The following RPAP3 variants were observed in gnomAD, a reference collection of about 807,000 sequenced individuals.
The protein encoded by RPAP3 is RNA polymerase II associated protein 3.
RPAP3 carries 58 observed loss-of-function variants against 88.8 expected under a neutral mutation model. That is an observed-to-expected ratio of 0.65 (90% CI 0.53 to 0.81). The LOEUF (loss-of-function observed/expected upper bound fraction) is 0.81. RPAP3 is among the 40% of genes least tolerant of loss of function. RPAP3 has a pLI of 0.00. For missense variants in RPAP3, 751 were observed against 764.3 expected (o/e 0.98, Z 0.20); for synonymous variants, 255 against 259.9 (o/e 0.98, Z 0.18).
chr12:47,701,723 G>T, intron 2 of RPAP3, 119 bp from the exon 3 acceptor site: 1 of 772,170 alleles, frequency 1.3e-6, no homozygotes, highest in Non-Finnish European at 1.8e-6. Context: ...ATTTTAAAGT[G>T]TTTAAAAAGA....
At position 47,679,542 on chromosome 12, in the gene RPAP3, C is replaced by G; in HGVS notation, c.1238G>C (p.Arg413Thr). The G allele has an allele frequency of 6.2e-7, 1 of 1,606,812 alleles. No individual in the cohort carries two copies. The highest frequency in any genetic ancestry group is 8.5e-7 in the Non-Finnish European group (1 of 1,175,978). The change falls in exon 12 of 17, where the codon AGA (arginine) becomes ACA (threonine). Residue 413 changes from arginine to threonine, a missense_variant. By Grantham distance (71) the Arg-to-Thr change is moderately conservative. Coordinates refer to ENST00000005386, the MANE Select transcript of RPAP3 (RefSeq NM_024604.3). ...ATCAATGGGTTTTACCACATTTTGT[C>G]TTTGTGTGGAATCAAGAAAGACATC... Reference protein sequence around the residue: ...WDDVFLDSTQRQNVVKPIDNP... With the variant: ...WDDVFLDSTQTQNVVKPIDNP...
intron 12 of RPAP3, among the ~76,000 whole-genome samples, chr12:47,677,751 A>G (rs1467695866): frequency 6.6e-6 from 1 of 152,208 alleles, no homozygotes; most frequent in Non-Finnish European, 1.5e-5. Context: ...AAAAGAGGAC[A>G]CAAACAAATG....
chr12:47,702,947 A>C (rs2057730), intron 1 of RPAP3, 101 bp from the exon 2 acceptor site: 108,109 of 801,662 alleles, frequency 0.13, 9,064 homozygotes, highest in Admixed American at 0.36. Context: ...TAAGTGGCCA[A>C]GATACATGGA....
intron 8 of RPAP3, 143 bp from the exon 9 acceptor site, chr12:47,687,050 C>T (rs1939340990): frequency 5.8e-6 from 3 of 519,448 alleles, no homozygotes; most frequent in South Asian, 7.3e-5. Flanking sequence ...CCATGAGACA[C>T]GTTTTAAAAT....
At chr12:47,681,611 A>G in intron 10 of RPAP3, 85 bp downstream of exon 10, 1 of 1,391,130 alleles carries the variant, frequency 7.2e-7, no homozygotes, top group South Asian at 1.3e-5. Flanking sequence ...GTATCTTTGA[A>G]CCATGGGTAA....
At position 47,667,735 on chromosome 12, in the gene RPAP3, T is replaced by C; in HGVS notation, c.1811+19A>G. On this transcript the variant is annotated intron_variant, in intron 15 of 16. Coordinates refer to ENST00000005386, the MANE Select transcript of RPAP3 (RefSeq NM_024604.3). ...ATTAAGTGAGGACTTACTGTATAACTAAAAAAAACTTGACTTACTCAATGT... is the reference window on the plus strand; with the variant it reads ...ATTAAGTGAGGACTTACTGTATAACCAAAAAAAACTTGACTTACTCAATGT... 6.9e-7 allele frequency: 1 copy of C among 1,453,148 alleles called. No homozygotes were observed. The highest frequency in any genetic ancestry group is 9.5e-7 in the Non-Finnish European group (1 of 1,050,364). 90.0% of individuals were successfully genotyped at this position (1,453,148 alleles called of 1,614,324 possible).
At chr12:47,693,661 CT>C (rs1300282013) in intron 5 of RPAP3, among the ~76,000 whole-genome samples, 1 of 152,212 alleles carries the variant, frequency 6.6e-6, no homozygotes, top group African/African-American at 2.4e-5. Flanking sequence ...ATTATCACTG[CT>C]TTTTCTTGGT....
intron 4 of RPAP3, among the ~76,000 whole-genome samples, chr12:47,697,199 T>C (rs1052718045): frequency 6.6e-6 from 1 of 152,208 alleles, no homozygotes; most frequent in East Asian, 1.9e-4. Context: ...GGGAGTGGAA[T>C]ATAATATTTA....
chr12:47,673,444 CAAAAAAAAAAAAAA>C (rs35080899), intron 12 of RPAP3, among the ~76,000 whole-genome samples: 12 of 60,786 alleles, frequency 2.0e-4, no homozygotes, highest in African/African-American at 3.5e-4. Flanking sequence ...AACTCCGTCT[CAAAAAAAAAAAAAA>C]AAAAAAAAAA....
intron 12 of RPAP3, among the ~76,000 whole-genome samples, chr12:47,677,507 CA>C (rs1413105509): frequency 6.6e-6 from 1 of 151,990 alleles, no homozygotes; most frequent in African/African-American, 2.4e-5. Flanking sequence ...CGTCTCAGCC[CA>C]AAATCTCCTT....
chr12:47,666,227 T>G (rs985819230), intron 16 of RPAP3, among the ~76,000 whole-genome samples: 2 of 152,224 alleles, frequency 1.3e-5, no homozygotes. Flanking sequence ...TTTACTTTAA[T>G]TAGGATTTCT....
chr12:47,675,599 T>A (rs1939096852), intron 12 of RPAP3, among the ~76,000 whole-genome samples: 1 of 152,154 alleles, frequency 6.6e-6, no homozygotes, highest in Admixed American at 6.5e-5. Context: ...GCAATCCCAG[T>A]CTCTGATAAA....
intron 9 of RPAP3, among the ~76,000 whole-genome samples, chr12:47,686,171 T>A (rs1466906028): frequency 2.6e-5 from 4 of 152,182 alleles, no homozygotes; most frequent in Admixed American, 2.6e-4. Context: ...AAAGTCTAAG[T>A]CTAAGTTTCT....
At chr12:47,686,472 A>G (rs528299367) in intron 9 of RPAP3, among the ~76,000 whole-genome samples, 1 of 152,128 alleles carries the variant, frequency 6.6e-6, no homozygotes, top group Non-Finnish European at 1.5e-5. Flanking sequence ...AATATTAACA[A>G]GAACATCTAC....
chr12:47,705,645 C>T (rs924989034), intron 1 of RPAP3, among the ~76,000 whole-genome samples: 3 of 152,214 alleles, frequency 2.0e-5, no homozygotes, highest in African/African-American at 2.4e-5. Flanking sequence ...AGGGGGCGGG[C>T]CCCACCTCGG....
chr12:47,703,544 T>C (rs904909405), intron 1 of RPAP3, among the ~76,000 whole-genome samples: 2 of 152,104 alleles, frequency 1.3e-5, no homozygotes, highest in Non-Finnish European at 2.9e-5. Flanking sequence ...CAGAGGTACA[T>C]ACAGATGCTA....
intron 5 of RPAP3, among the ~76,000 whole-genome samples, chr12:47,692,066 T>G (rs1234098273): frequency 6.6e-6 from 1 of 152,164 alleles, no homozygotes; most frequent in African/African-American, 2.4e-5. Flanking sequence ...AGTAAACCAG[T>G]TCATAAATAG....
At chr12:47,691,624 T>C (rs147786346) in intron 5 of RPAP3, among the ~76,000 whole-genome samples, 183 of 152,346 alleles carry the variant, frequency 1.2e-3, no homozygotes, top group Non-Finnish European at 2.1e-3. Context: ...CTTTGATCCA[T>C]GGGCTGCAGA....
At chr12:47,689,005 C>A in intron 7 of RPAP3, 120 bp downstream of exon 7, 1 of 590,266 alleles carries the variant, frequency 1.7e-6, no homozygotes, top group Non-Finnish European at 2.9e-6. Context: ...CTCTATAGTA[C>A]AAAGAATTAA....
Sources: allele counts gnomAD v4.1 joint callset (sites outside exome capture counted in the v4.1 genomes callset), GRCh38; gene constraint gnomAD v4.1.1; transcripts MANE v1.5; gene names NCBI Gene and HGNC (gene_info 2026-07-23, HGNC 2026-07-21).